CCL24: variants seen among roughly 807,000 people sequenced by gnomAD.
CCL24 encodes the protein C-C motif chemokine 24.
Under a neutral mutation model 8.6 loss-of-function variants are expected in CCL24, and 6 were observed. The ratio of observed to expected loss-of-function variants is 0.70; its 90% confidence interval spans 0.38 to 1.38. The LOEUF (loss-of-function observed/expected upper bound fraction) is 1.38. CCL24 is among the 40% of genes most tolerant of loss of function. CCL24 has a pLI of 0.02. For synonymous variants in CCL24, 59 were observed against 52.7 expected, an observed-to-expected ratio of 1.12 and a Z score of -0.52; for missense variants, 126 against 147.1, an observed-to-expected ratio of 0.86 and a Z score of 0.74.
upstream of CCL24, among the ~76,000 whole-genome samples, chr7:75,817,581 G>C (rs112317116): frequency 0.096 from 14,393 of 150,308 alleles, 977 homozygotes; most frequent in East Asian, 0.16. Flanking sequence ...CAGCTCACTG[G>C]AGCCTCAACC....
intron 2 of CCL24, among the ~76,000 whole-genome samples, chr7:75,812,933 A>G (rs1803805396): frequency 6.6e-6 from 1 of 151,254 alleles, no homozygotes; most frequent in African/African-American, 2.4e-5. Flanking sequence ...CTCAGGGGAA[A>G]AAAAAAAAAT....
rs797027902 is a variant in CCL24 at position 75,820,764 on chromosome 7, C to T, written c.-60+2558G>A. Among the ~76,000 whole-genome samples the T allele has an allele frequency of 4.6e-5, 7 of 151,590 alleles. No homozygotes were observed. In the South Asian group the frequency reaches 1.0e-3, roughly 23 times the overall value. ...CCACCCATGCATCCACCCCTCCACCCATCCATCCATTCACCCACCCATCTA... is the reference window on the plus strand; with the variant it reads ...CCACCCATGCATCCACCCCTCCACCTATCCATCCATTCACCCACCCATCTA... On this transcript the variant is annotated intron_variant, in intron 1 of 3. Transcript: ENST00000416943.
intron 1 of CCL24, among the ~76,000 whole-genome samples, chr7:75,821,476 G>A (rs2115817589): frequency 6.6e-6 from 1 of 152,262 alleles, no homozygotes; most frequent in South Asian, 2.1e-4. Context: ...TGAGGAAAAG[G>A]AAGGATTGTC....
At chr7:75,816,861 C>CA (rs57957590), upstream of CCL24, among the ~76,000 whole-genome samples, 2,024 of 98,280 alleles carry the variant, frequency 0.021, 38 homozygotes, top group African/African-American at 0.056. Flanking sequence ...TGCACCTGGC[C>CA]AAAAAAAAAA....
chr7:75,820,204 TG>T (rs1804017253), intron 1 of CCL24, among the ~76,000 whole-genome samples: 1 of 149,866 alleles, frequency 6.7e-6, no homozygotes, highest in Non-Finnish European at 1.5e-5. Flanking sequence ...CTTCTTTTTT[TG>T]AGATGGAATC....
Position 75,811,885 on chromosome 7 carries a change from C to T in CCL24, c.271G>A (p.Ala91Thr), listed in dbSNP as rs1554533491. The part of the protein sequence containing the change: ...WVQRYMKNLD[A>T]KQKKASPRAR... ...CTAGGGGAAGCCTTCTTCTGCTTGG[C>T]GTCCAGGTTCTTCATGTACCTCTGG... Residue 91 changes from alanine (A) to threonine (T), a missense_variant, in exon 3 of 3, where the codon GCC becomes ACC. Coordinates refer to ENST00000222902, the MANE Select transcript of CCL24 (RefSeq NM_002991.3). The T allele has an allele frequency of 4.3e-6, 7 of 1,611,536 alleles. 1 individual carries two copies. The South Asian group carries it at 4.4e-5, about 10-fold the overall frequency.
Position 75,811,818 on chromosome 7 carries a change from G to A in CCL24, c.338C>T (p.Pro113Leu), listed in dbSNP as rs1241685836. ...GGATTAGCAGGTGGTTTGGTTGCCA[G>A]GATATCTCTGGACAGGGCCCTTGAC... is the stretch of plus-strand genomic sequence containing the variant. ...VAVKGPVQRY[P>L]GNQTTC The change falls in exon 3 of 3, where the codon CCT becomes CTT. Residue 113 changes from proline to leucine, a missense_variant. By Grantham distance (98) the Pro-to-Leu change is moderately conservative (BLOSUM62 -3). Transcript: ENST00000222902. The A allele has an allele frequency of 2.5e-6, 4 of 1,613,488 alleles. No individual in the cohort carries two copies. The highest frequency in any genetic ancestry group is 2.5e-6 in the Non-Finnish European group (3 of 1,179,876).
Position 75,813,318 on chromosome 7 carries a change from T to C in CCL24, c.179A>G (p.Lys60Arg). 1 of 1,606,000 alleles carries C rather than the reference T, an allele frequency of 6.2e-7. No individual in the cohort carries two copies. The highest frequency in any genetic ancestry group is 8.5e-7 in the Non-Finnish European group (1 of 1,172,988). ...GAAGGATACCTACATCACTCCTGCCTTGAGGCATGTGCTCCTGCTGGACAG... is the reference window on the plus strand; with the variant it reads ...GAAGGATACCTACATCACTCCTGCCCTGAGGCATGTGCTCCTGCTGGACAG... ...YQLSSRSTCLKAGVIFTTKKG... is the reference protein window; with the variant it reads ...YQLSSRSTCLRAGVIFTTKKG... Residue 60 changes from lysine (K) to arginine (R), a missense_variant, in exon 2 of 3, where the codon AAG becomes AGG. Coordinates refer to ENST00000222902, the MANE Select transcript of CCL24 (RefSeq NM_002991.3).
chr7:75,814,930 C>T (rs1351064118), upstream of CCL24, among the ~76,000 whole-genome samples: 3 of 151,944 alleles, frequency 2.0e-5, no homozygotes, highest in Admixed American at 1.3e-4. Context: ...GATGGTCTCT[C>T]GTGGAAGCAT....
At chr7:75,820,015 ACTACTT>A (rs1426524812) in intron 1 of CCL24, among the ~76,000 whole-genome samples, 31 of 84,386 alleles carry the variant, frequency 3.7e-4, no homozygotes, top group African/African-American at 4.3e-4. Context: ...CTTTTAGTAA[ACTACTT>A]CTTCTTCTTC....
chr7:75,811,827 T>C lies in CCL24; in HGVS notation c.329A>G (p.Gln110Arg). ...ARAVAVKGPV[Q>R]RYPGNQTTC Reference sequence around the variant, plus strand: ...GGTGGTTTGGTTGCCAGGATATCTCTGGACAGGGCCCTTGACAGCCACTGC... The same window carrying C: ...GGTGGTTTGGTTGCCAGGATATCTCCGGACAGGGCCCTTGACAGCCACTGC... The change falls in exon 3 of 3, where the codon CAG becomes CGG. Residue 110 changes from glutamine to arginine, a missense_variant. Physicochemically the swap from Gln to Arg is conservative, Grantham distance 43 (BLOSUM62 1). Transcript: ENST00000222902. The C allele has an allele frequency of 1.9e-6, 3 of 1,613,534 alleles. No homozygotes were observed. Among genetic ancestry groups the C allele is most frequent in the Non-Finnish European group, 2.5e-6 (3 of 1,179,926 alleles).
intron 1 of CCL24, chr7:75,823,194 G>A (rs971185049): frequency 1.9e-4 from 29 of 152,484 alleles, no homozygotes; most frequent in South Asian, 4.1e-4. Context: ...ACTGTGGTGG[G>A]GAGTGCAAGG....
intron 1 of CCL24, among the ~76,000 whole-genome samples, chr7:75,819,718 C>T (rs1803983691): frequency 6.6e-6 from 1 of 151,224 alleles, no homozygotes; most frequent in Non-Finnish European, 1.5e-5. Context: ...AAAAGTAGAC[C>T]ACACACACAC....
In CCL24 at chr7:75,811,710, C is replaced by A; in HGVS notation, c.*86G>T. On this transcript the variant is annotated 3_prime_UTR_variant, in exon 3 of 3. Transcript: ENST00000222902. ...CTAAGAAACAGGAAAATTAGCTCTTCCCCCCATCACTGTGGCTTCTCCAGG... is the reference window on the plus strand; with the variant it reads ...CTAAGAAACAGGAAAATTAGCTCTTACCCCCATCACTGTGGCTTCTCCAGG... 8.3e-7 allele frequency: 1 copy of A among 1,208,898 alleles called. No homozygotes were observed. The highest frequency in any genetic ancestry group is 2.5e-5 in the East Asian group (1 of 40,428). 74.9% of individuals were successfully genotyped at this position (1,208,898 alleles called of 1,614,324 possible).
At position 75,822,210 on chromosome 7, in the gene CCL24, G is replaced by T. The variant is rs188467150; in HGVS notation, c.-60+1112C>A. Among the ~76,000 whole-genome samples the T allele has an allele frequency of 5.8e-3, 885 of 152,276 alleles. 2 individuals are homozygous for T. Among genetic ancestry groups the T allele is most frequent in the Middle Eastern group, 0.017 (5 of 292 alleles). On this transcript the variant is annotated intron_variant, in intron 1 of 3. Transcript: ENST00000416943. ...CCAGGGAGATTAGACAGCCTCAACT[G>T]CCCCACCCAGCTCAAGACACAGTGT...
In CCL24 at chr7:75,811,954, T is replaced by G; in HGVS notation, c.202A>C (p.Lys68Gln). ...CLKAGVIFTT[K>Q]KGQQFCGDPK... ...TCGCCACAGAACTGCTGGCCCTTCT[T>G]GGTGGTGAAGCTGTGGAAGAAAGGG... The change falls in exon 3 of 3, where the codon AAG becomes CAG. Residue 68 changes from lysine (K) to glutamine (Q), a missense_variant. Lys to Gln is a moderately conservative substitution (Grantham distance 53). Coordinates refer to ENST00000222902, the MANE Select transcript of CCL24 (RefSeq NM_002991.3). The G allele has an allele frequency of 6.2e-7, 1 of 1,610,440 alleles. No individual in the cohort carries two copies. The highest frequency in any genetic ancestry group is 1.3e-5 in the African/African-American group (1 of 74,206).
At chr7:75,818,031 A>G (rs1347048785), upstream of CCL24, among the ~76,000 whole-genome samples, 1 of 151,118 alleles carries the variant, frequency 6.6e-6, no homozygotes, top group African/African-American at 2.4e-5. Flanking sequence ...GGGTTTCACC[A>G]TGTTGGCTGG....
At chr7:75,821,943 G>A (rs7801577) in intron 1 of CCL24, among the ~76,000 whole-genome samples, 44,027 of 134,288 alleles carry the variant, frequency 0.33, 7,610 homozygotes, top group Non-Finnish European at 0.4. Flanking sequence ...AAAAAAAAAA[G>A]AAAACAAAAT....
chr7:75,820,055 CTT>C (rs1408752416), intron 1 of CCL24, among the ~76,000 whole-genome samples: 15 of 135,762 alleles, frequency 1.1e-4, no homozygotes, highest in Non-Finnish European at 2.1e-4. Flanking sequence ...TCTTCTTCTT[CTT>C]CTTCTTCTTC....
Sources: gnomAD v4.1 joint callset for allele counts (sites outside exome capture counted in the v4.1 genomes callset) on GRCh38, gnomAD v4.1.1 for gene constraint, MANE v1.5 for transcripts, NCBI Gene and HGNC (gene_info 2026-07-23, HGNC 2026-07-21) for gene names.